MYBPC2: variants seen among roughly 807,000 people sequenced by gnomAD.
The protein encoded by MYBPC2 is myosin binding protein C2.
A neutral mutation model predicts 137.0 loss-of-function variants in MYBPC2; 122 were observed. The observed-to-expected ratio is 0.89, with a 90% confidence interval of 0.77 to 1.03. MYBPC2 has a LOEUF of 1.03. MYBPC2 is among the 50% of genes least tolerant of loss of function. MYBPC2 has a pLI of 0.00. For missense variants in MYBPC2, 1,500 were observed against 1,534.4 expected (o/e 0.98, Z 0.37); for synonymous variants, 626 against 612.3 (o/e 1.02, Z -0.33).
At chr19:50,446,695 C>G (rs1367595382) in intron 12 of MYBPC2, among the ~76,000 whole-genome samples, 6 of 151,070 alleles carry the variant, frequency 4.0e-5, no homozygotes, top group African/African-American at 1.5e-4. Context: ...TGGCGTGCAC[C>G]TGTAATCACA....
chr19:50,461,815 A>T, intron 25 of MYBPC2, 85 bp from the exon 26 acceptor site: 1 of 1,579,754 alleles, frequency 6.3e-7, no homozygotes, highest in Non-Finnish European at 8.6e-7. Flanking sequence ...TAGTCATGGG[A>T]GAGAGGTGAT....
In MYBPC2 at chr19:50,446,017, A is replaced by G. The variant is rs1385313536; in HGVS notation, c.1271A>G (p.Asn424Ser). 1.2e-6 allele frequency: 2 copies of G among 1,613,236 alleles called. No homozygotes were observed. Among genetic ancestry groups the G allele is most frequent in the Admixed American group, 1.7e-5 (1 of 59,914 alleles). The change falls in exon 12 of 28, where the codon AAT becomes AGT. Residue 424 changes from asparagine (N) to serine (S), a missense_variant. Asn to Ser is a conservative substitution (Grantham distance 46, BLOSUM62 1). Coordinates refer to ENST00000357701, the MANE Select transcript of MYBPC2 (RefSeq NM_004533.4). ...AGGGGTCGCTATCAGGTCATAACCA[A>G]TGGCGGCCAGTGTGAGGCCGAGCTG... ...EDRGRYQVITNGGQCEAELIV... is the reference protein window; with the variant it reads ...EDRGRYQVITSGGQCEAELIV...
At chr19:50,454,577 C>A (rs1418172559) in intron 18 of MYBPC2, among the ~76,000 whole-genome samples, 1 of 151,962 alleles carries the variant, frequency 6.6e-6, no homozygotes. Context: ...AGGTGCCCAC[C>A]ACCACGCCCG....
rs1226666019 is a variant in MYBPC2, at chr19:50,444,289, T to TCCA, written c.1133+473_1133+474insCCA. Among the ~76,000 whole-genome samples, 201 of 76,188 alleles carry TCCA rather than the reference T, an allele frequency of 2.6e-3. 2 individuals carry two copies. Among genetic ancestry groups the TCCA allele is most frequent in the African/African-American group, 8.0e-3 (192 of 23,858 alleles). The allele number at this position is 76,188 out of a possible 152,430, so 50.0% of individuals were successfully genotyped here. On this transcript the variant is annotated intron_variant, in intron 11 of 27. Transcript: ENST00000357701. ...ATCTACTTAACCATCTGTCCATCCA[T>TCCA]TCATCCATCCATCCATCCATCCATC...
rs544507812 is a variant in MYBPC2, at chr19:50,447,091, C to A, written c.1306+1039C>A. Among the ~76,000 whole-genome samples the A allele has an allele frequency of 1.9e-3, 289 of 152,172 alleles. 2 individuals carry two copies. Among genetic ancestry groups the A allele is most frequent in the African/African-American group, 6.7e-3 (279 of 41,508 alleles). On this transcript the variant is annotated intron_variant, in intron 12 of 27. Coordinates refer to ENST00000357701, the MANE Select transcript of MYBPC2 (RefSeq NM_004533.4). ...CATGCCTGGACTGGTGCAGTTGTCT[C>A]CTCTCTGGTCACTCTGTGTCTATAC...
intron 7 of MYBPC2, among the ~76,000 whole-genome samples, chr19:50,440,406 G>A (rs2039740539): frequency 6.6e-6 from 1 of 151,950 alleles, no homozygotes; most frequent in Non-Finnish European, 1.5e-5. Context: ...GCTCACACCT[G>A]TAATCCCAGC....
chr19:50,435,927 A>G lies in MYBPC2; in HGVS notation c.196+65A>G, dbSNP rs947604616. ...TCCTGGGTCTGAGGGAGGAGGGGCCAGGGTCTCGTTCTGTCTCCCTCTGGA... is the reference window on the plus strand; with the variant it reads ...TCCTGGGTCTGAGGGAGGAGGGGCCGGGGTCTCGTTCTGTCTCCCTCTGGA... On this transcript the variant is annotated intron_variant, in intron 3 of 27. Coordinates refer to ENST00000357701, the MANE Select transcript of MYBPC2 (RefSeq NM_004533.4). This position sits in a 1 kb window ranked among gnomAD's most constrained non-coding sequence, Gnocchi z 4.8. 6 of 1,548,154 alleles carry G rather than the reference A, an allele frequency of 3.9e-6. No homozygotes were observed. The African/African-American group carries it at 4.1e-5, about 11-fold the overall frequency.
At chr19:50,461,509 G>A (rs530497487) in intron 24 of MYBPC2, 33 bp from the exon 25 acceptor site, 19 of 1,603,362 alleles carry the variant, frequency 1.2e-5, no homozygotes, top group Middle Eastern at 1.7e-4. Context: ...CTGTGGCCCC[G>A]ACCCGCCTGG....
intron 1 of MYBPC2, among the ~76,000 whole-genome samples, chr19:50,434,232 C>T (rs180880266): frequency 6.1e-4 from 93 of 152,096 alleles, no homozygotes; most frequent in Non-Finnish European, 9.3e-4. Flanking sequence ...GGGGGTGTGC[C>T]TGTAGTCCCA....
In MYBPC2 at chr19:50,450,888, T is replaced by C. The variant is rs2039849774; in HGVS notation, c.1532T>C (p.Val511Ala). 6.3e-7 allele frequency: 1 copy of C among 1,579,860 alleles called. No homozygotes were observed. The highest frequency in any genetic ancestry group is 8.6e-7 in the Non-Finnish European group (1 of 1,163,288). Residue 511 changes from valine to alanine, a missense_variant, in exon 14 of 28, where the codon GTG (valine) becomes GCG (alanine). Val to Ala is a moderately conservative substitution (Grantham distance 64). Coordinates refer to ENST00000357701, the MANE Select transcript of MYBPC2 (RefSeq NM_004533.4). ...GAGGATGAGGGAGACTACACGTTTG[T>C]GCCTGACGGCTACGCCCTGTCGCTC... ...RPEDEGDYTF[V>A]PDGYALSLSA... is the part of the protein sequence containing the mutation.
At chr19:50,460,680 T>C (rs1017504496) in intron 24 of MYBPC2, among the ~76,000 whole-genome samples, 1 of 152,214 alleles carries the variant, frequency 6.6e-6, no homozygotes, top group Admixed American at 6.5e-5. Context: ...GCCGGGTGTG[T>C]CCATGCAGAA....
At chr19:50,460,566 C>T (rs1321772250) in intron 24 of MYBPC2, among the ~76,000 whole-genome samples, 6 of 152,172 alleles carry the variant, frequency 3.9e-5, no homozygotes, top group Admixed American at 3.3e-4. Context: ...CTGGATTTAC[C>T]TACTCTGGAC....
chr19:50,448,253 C>T lies in MYBPC2; in HGVS notation c.1335C>T (p.Ile445=), dbSNP rs375670598. 38 of 1,613,532 alleles carry T rather than the reference C, an allele frequency of 2.4e-5. No homozygotes were observed. The highest frequency in any genetic ancestry group is 2.1e-4 in the African/African-American group (16 of 74,910). Residue 445 remains isoleucine (I), a synonymous_variant, in exon 13 of 28, where the codon ATC becomes ATT. Transcript: ENST00000357701. Reference sequence around the variant, plus strand: ...AACAGCTGGAGGTCCTGCAGGACATCGCGGATCTGACGGTGAAGGCCTCAG... The same window carrying T: ...AACAGCTGGAGGTCCTGCAGGACATTGCGGATCTGACGGTGAAGGCCTCAG... ...EEKQLEVLQD[I]ADLTVKASEQ... is the part of the protein sequence containing the mutation.
intron 24 of MYBPC2, 101 bp downstream of exon 24, chr19:50,460,280 G>T (rs1368723268): frequency 3.4e-6 from 5 of 1,452,042 alleles, no homozygotes; most frequent in African/African-American, 1.4e-5. Context: ...GGGGCCCAGA[G>T]GCTAGAGGAC....
Position 50,435,216 on chromosome 19 carries a change from TCCC to T in MYBPC2, c.78_80del (p.Pro27del). 2 of 1,336,034 alleles carry T rather than the reference TCCC, an allele frequency of 1.5e-6. No individual in the cohort carries two copies. The highest frequency in any genetic ancestry group is 2.1e-6 in the Non-Finnish European group (2 of 934,366). The allele number at this position is 1,336,034 out of a possible 1,614,324, so 82.8% of individuals were successfully genotyped here. On this transcript the variant is annotated inframe_deletion, in exon 2 of 28. Transcript: ENST00000357701. The surrounding 1 kb of genome is among the most constrained non-coding windows in gnomAD (Gnocchi z 4.8). ...CCCCCAAAGGAGCCCCCAAGGAGGC[TCCC>T]CCTAAGGAGGCTCCTGCAGAGGCCC...
At chr19:50,456,744 T>C (rs1670936144) in intron 20 of MYBPC2, among the ~76,000 whole-genome samples, 1 of 152,112 alleles carries the variant, frequency 6.6e-6, no homozygotes, top group Non-Finnish European at 1.5e-5. Flanking sequence ...CCCAGTATCA[T>C]TTTTTCATCC....
intron 4 of MYBPC2, 27 bp from the exon 5 acceptor site, chr19:50,436,590 C>T (rs761878062): frequency 6.3e-7 from 1 of 1,598,088 alleles, no homozygotes; most frequent in Non-Finnish European, 8.6e-7. Context: ...TGGTCCCGTG[C>T]ACCCACACCC....
At chr19:50,446,196 G>GATGGCTC in intron 12 of MYBPC2, 144 bp downstream of exon 12, 2 of 1,045,538 alleles carry the variant, frequency 1.9e-6, no homozygotes, top group Non-Finnish European at 2.7e-6. Flanking sequence ...AGGGAGATCT[G>GATGGCTC]ATGGCTCCAG....
In MYBPC2 at chr19:50,445,975, A is replaced by C. The variant is rs2039801409; in HGVS notation, c.1229A>C (p.Asp410Ala). The C allele has an allele frequency of 4.3e-6, 7 of 1,613,340 alleles. No homozygotes were observed. Among genetic ancestry groups the C allele is most frequent in the Non-Finnish European group, 5.9e-6 (7 of 1,179,660 alleles). Reference protein sequence around the residue: ...DGKRHILIFSDVVQEDRGRYQ... With the variant: ...DGKRHILIFSAVVQEDRGRYQ... Reference sequence around the variant, plus strand: ...AAGCGCCACATCCTCATCTTCTCAGACGTGGTCCAGGAGGACAGGGGTCGC... The same window carrying C: ...AAGCGCCACATCCTCATCTTCTCAGCCGTGGTCCAGGAGGACAGGGGTCGC... The change falls in exon 12 of 28, where the codon GAC becomes GCC. Residue 410 changes from aspartate (D) to alanine (A), a missense_variant. By Grantham distance (126) the Asp-to-Ala change is moderately radical. Coordinates refer to ENST00000357701, the MANE Select transcript of MYBPC2 (RefSeq NM_004533.4).
Sources: gnomAD v4.1 joint callset for allele counts (sites outside exome capture counted in the v4.1 genomes callset) on GRCh38, gnomAD v4.1.1 for gene constraint, Gnocchi (gnomAD v3.1) non-coding constraint, MANE v1.5 for transcripts, NCBI Gene and HGNC (gene_info 2026-07-23, HGNC 2026-07-21) for gene names.